Variants in BDH1 observed in about 807,000 individuals in gnomAD.
BDH1 encodes D-beta-hydroxybutyrate dehydrogenase, mitochondrial.
Under a neutral mutation model 33.1 loss-of-function variants are expected in BDH1, and 30 were observed. The observed-to-expected ratio is 0.91, with a 90% CI of 0.68 to 1.23. BDH1 has a LOEUF of 1.23. BDH1 is among the 50% of genes most tolerant of loss of function. BDH1 has a pLI of 0.00. For missense variants in BDH1, 443 were observed against 464.4 expected, an observed-to-expected ratio of 0.95 and a Z score of 0.42; for synonymous variants, 190 against 183.6, an observed-to-expected ratio of 1.03 and a Z score of -0.28.
chr3:197,530,310 A>C (rs1219155002), intron 5 of BDH1: 1 of 152,166 alleles, frequency 6.6e-6, no homozygotes, highest in East Asian at 1.9e-4. Context: ...CTTTAAAATG[A>C]CAATATATTT....
chr3:197,569,872 G>C (rs989136004), intron 1 of BDH1, among the ~76,000 whole-genome samples: 1 of 152,242 alleles, frequency 6.6e-6, no homozygotes, highest in Non-Finnish European at 1.5e-5. Flanking sequence ...GGGCACTGCT[G>C]TCAGGGTACC....
In BDH1 at chr3:197,510,599, G is replaced by GGGGGTGTGTGTGTGTGTGTGTGTGTGT. The variant is rs1553865645; in HGVS notation, c.*1295_*1296insACACACACACACACACACACACACCCC. On this transcript the variant is annotated 3_prime_UTR_variant, in exon 8 of 8. Coordinates refer to ENST00000392379, the MANE Select transcript of BDH1 (RefSeq NM_203314.3). ...CCACGCTGAAGCCCTGCAGAACAGG[G>GGGGGTGTGTGTGTGTGTGTGTGTGTGT]GTGTGTGTGTGTGTGTGTGTGTGTG... The GGGGGTGTGTGTGTGTGTGTGTGTGTGT allele has an allele frequency of 1.3e-5, 1 of 75,316 alleles. No homozygotes were observed. Among genetic ancestry groups the GGGGGTGTGTGTGTGTGTGTGTGTGTGT allele is most frequent in the Non-Finnish European group, 2.4e-5 (1 of 41,024 alleles). The allele number at this position is 75,316 out of a possible 1,614,324, so 4.7% of individuals were successfully genotyped here. A position where few individuals can be genotyped will look rare whatever the true frequency, so the allele number is the denominator to read the frequency against.
At chr3:197,540,974 T>C (rs2108752469) in intron 3 of BDH1, among the ~76,000 whole-genome samples, 1 of 152,294 alleles carries the variant, frequency 6.6e-6, no homozygotes, top group East Asian at 1.9e-4. Flanking sequence ...CCAGCTAGCA[T>C]GACAGTGCCT....
chr3:197,542,740 T>C (rs1715759078), intron 3 of BDH1, among the ~76,000 whole-genome samples: 2 of 151,970 alleles, frequency 1.3e-5, no homozygotes, highest in African/African-American at 4.8e-5. Context: ...CAGGTTGGTC[T>C]CAAACTCCCG....
chr3:197,532,318 G>T, intron 5 of BDH1, 94 bp downstream of exon 5: 1 of 1,039,018 alleles, frequency 9.6e-7, no homozygotes, highest in Non-Finnish European at 1.5e-6. Flanking sequence ...TTTAAGCAAA[G>T]GTGAGCCAGT....
At chr3:197,551,317 T>C (rs892374404) in intron 2 of BDH1, among the ~76,000 whole-genome samples, 3 of 152,244 alleles carry the variant, frequency 2.0e-5, no homozygotes, top group Non-Finnish European at 2.9e-5. Context: ...AGTGAGAACA[T>C]GCAAAGCTTG....
rs115406691 is a variant in BDH1 at position 197,554,545 on chromosome 3, G to A, written c.-44+17C>T. The A allele has an allele frequency of 0.036, 5,551 of 152,306 alleles. 313 individuals are homozygous for A. Among genetic ancestry groups the A allele is most frequent in the African/African-American group, 0.12 (5,054 of 41,516 alleles). 9.4% of individuals were successfully genotyped at this position (152,306 alleles called of 1,614,324 possible). On this transcript the variant is annotated intron_variant, in intron 2 of 7. Coordinates refer to ENST00000392379, the MANE Select transcript of BDH1 (RefSeq NM_203314.3). The surrounding 1 kb of genome is among the most constrained non-coding windows in gnomAD (Gnocchi z 4.4). ...GAGCCCGGCTCCAACGCCTCTTGTA[G>A]AAAGAAGGACACTGACCAGGACATT...
In BDH1 at chr3:197,554,307, C is replaced by T. The variant is rs535887234; in HGVS notation, c.-44+255G>A. ...TTTCTGTTTATAAACATTCACAAGC[C>T]CCCATCCTACCACCAATCCCCACCC... On this transcript the variant is annotated intron_variant, in intron 2 of 7. Transcript: ENST00000392379. This position sits in a 1 kb window ranked among gnomAD's most constrained non-coding sequence, Gnocchi z 4.4. The T allele has an allele frequency of 2.6e-5, 4 of 152,338 alleles. No individual in the cohort carries two copies. Among genetic ancestry groups the T allele is most frequent in the African/African-American group, 9.6e-5 (4 of 41,558 alleles). The allele number at this position is 152,338 out of a possible 1,614,324, so 9.4% of individuals were successfully genotyped here. A position where few individuals can be genotyped will look rare whatever the true frequency, so the allele number is the denominator to read the frequency against.
chr3:197,541,994 G>A (rs1241108554), intron 3 of BDH1, among the ~76,000 whole-genome samples: 2 of 152,202 alleles, frequency 1.3e-5, no homozygotes, highest in African/African-American at 4.8e-5. Flanking sequence ...AGGGACAGCA[G>A]TGCGCCCAAC....
At chr3:197,541,914 G>C (rs1363761645) in intron 3 of BDH1, among the ~76,000 whole-genome samples, 1 of 152,208 alleles carries the variant, frequency 6.6e-6, no homozygotes, top group Non-Finnish European at 1.5e-5. Context: ...AGCTGTGACA[G>C]ACACTGCTCT....
rs973244444 is a variant in BDH1, at chr3:197,520,810, C to T, written c.409+1830G>A. On this transcript the variant is annotated intron_variant, in intron 6 of 7. Coordinates refer to ENST00000392379, the MANE Select transcript of BDH1 (RefSeq NM_203314.3). This position sits in a 1 kb window ranked among gnomAD's most constrained non-coding sequence, Gnocchi z 6.0. ...CTGCAGGTTCTGAGCCGGTAATCAC[C>T]CCAGCGGGACCCATCCTGCCTTTTC... is the stretch of plus-strand genomic sequence containing the variant. 6.6e-6 allele frequency among the ~76,000 whole-genome samples: 1 copy of T among 152,134 alleles called. No homozygotes were observed. The highest frequency in any genetic ancestry group is 1.5e-5 in the Non-Finnish European group (1 of 68,002).
intron 3 of BDH1, among the ~76,000 whole-genome samples, chr3:197,537,413 T>C (rs1046885573): frequency 6.6e-6 from 1 of 152,182 alleles, no homozygotes; most frequent in Non-Finnish European, 1.5e-5. Context: ...GTTCTAGGAG[T>C]TTTTTTGTGG....
intron 3 of BDH1, among the ~76,000 whole-genome samples, chr3:197,534,698 G>A (rs1714994166): frequency 6.6e-6 from 1 of 152,220 alleles, no homozygotes; most frequent in South Asian, 2.1e-4. Context: ...CCCAGTGGCA[G>A]TGTCTGAACA....
chr3:197,515,006 T>C (rs7616998), intron 6 of BDH1, among the ~76,000 whole-genome samples: 50,710 of 152,052 alleles, frequency 0.33, 10,485 homozygotes, highest in African/African-American at 0.59. Context: ...CCTCAGTGTT[T>C]GGTCTCCCGG....
chr3:197,543,764 G>C (rs1348476068), intron 3 of BDH1, among the ~76,000 whole-genome samples: 1 of 152,176 alleles, frequency 6.6e-6, no homozygotes, highest in Admixed American at 6.5e-5. Context: ...GGATGATAGT[G>C]GGGAAACCAT....
intron 3 of BDH1, among the ~76,000 whole-genome samples, chr3:197,539,610 A>G (rs2108750661): frequency 6.6e-6 from 1 of 152,344 alleles, no homozygotes; most frequent in East Asian, 1.9e-4. Flanking sequence ...GACCCTCCCT[A>G]CACTGCTCCT....
In BDH1 at chr3:197,510,349, C is replaced by A. The variant is rs1560295456; in HGVS notation, c.*1546G>T. 1 of 152,218 alleles carries A rather than the reference C, an allele frequency of 6.6e-6. No homozygotes were observed. 9.4% of individuals were successfully genotyped at this position (152,218 alleles called of 1,614,324 possible). ...AGCGGCAGGTCCGCCCAGGGAGAGGCGGAAACGCGGAGTCTGATTCGAAGG... is the reference window on the plus strand; with the variant it reads ...AGCGGCAGGTCCGCCCAGGGAGAGGAGGAAACGCGGAGTCTGATTCGAAGG... On this transcript the variant is annotated 3_prime_UTR_variant, in exon 8 of 8. Coordinates refer to ENST00000392379, the MANE Select transcript of BDH1 (RefSeq NM_203314.3).
At chr3:197,547,101 A>AAC (rs71164296) in intron 2 of BDH1, among the ~76,000 whole-genome samples, 37,493 of 151,392 alleles carry the variant, frequency 0.25, 4,791 homozygotes, top group Middle Eastern at 0.31. Flanking sequence ...TCTTGTAATT[A>AAC]ACACACACAC....
intron 1 of BDH1, among the ~76,000 whole-genome samples, chr3:197,572,841 A>G (rs1174795935): frequency 6.6e-6 from 1 of 152,212 alleles, no homozygotes; most frequent in Admixed American, 6.5e-5. Context: ...TATTTTTTTC[A>G]AAGAATATCT....
Sources: gnomAD v4.1 joint callset for allele counts (sites outside exome capture counted in the v4.1 genomes callset) on GRCh38, gnomAD v4.1.1 for gene constraint, Gnocchi (gnomAD v3.1) non-coding constraint, MANE v1.5 for transcripts, NCBI Gene and HGNC (gene_info 2026-07-23, HGNC 2026-07-21) for gene names.